TP53BP1: variants seen among roughly 807,000 people sequenced by gnomAD.
The protein encoded by TP53BP1 is tumor protein p53 binding protein 1.
In TP53BP1, 61 loss-of-function variants were observed where a neutral mutation model predicts 200.8. The observed-to-expected ratio is 0.30, with a 90% CI of 0.25 to 0.38. The LOEUF (loss-of-function observed/expected upper bound fraction) is 0.38, where lower values mean the gene tolerates loss of function less well. Ranked by LOEUF, TP53BP1 falls within the 10% of genes least tolerant of loss-of-function variation. The probability of loss-of-function intolerance (pLI) is 1.00; values close to 1 mark genes in which losing one functional copy is unlikely to be tolerated. For synonymous variants in TP53BP1, 822 were observed against 844.3 expected, an observed-to-expected ratio of 0.97 and a Z score of 0.46; for missense variants, 2,144 against 2,371.9, an observed-to-expected ratio of 0.90 and a Z score of 2.00.
At position 43,481,027 on chromosome 15, in the gene TP53BP1, A is replaced by G. The variant is rs148810546; in HGVS notation, c.372-5T>C. The G allele has an allele frequency of 1.7e-4, 273 of 1,614,022 alleles. 2 individuals are homozygous for G. The African/African-American group carries it at 3.2e-3, about 19-fold the overall frequency. Reference sequence around the variant, plus strand: ...TCCACTGACATTCCCAGAACACTACACAGCAGAAGGATATAATCATGTGTT... The same window carrying G: ...TCCACTGACATTCCCAGAACACTACGCAGCAGAAGGATATAATCATGTGTT... On this transcript the variant is annotated splice_polypyrimidine_tract_variant and splice_region_variant and intron_variant, in intron 4 of 27. Coordinates refer to ENST00000382044, the MANE Select transcript of TP53BP1 (RefSeq NM_001141980.3).
chr15:43,475,109 ATT>A (rs1220207818), intron 9 of TP53BP1, among the ~76,000 whole-genome samples: 1 of 152,146 alleles, frequency 6.6e-6, no homozygotes, highest in Non-Finnish European at 1.5e-5. Flanking sequence ...AAATTATTCC[ATT>A]TTTTTGCCTA....
intron 17 of TP53BP1, among the ~76,000 whole-genome samples, chr15:43,428,412 A>G (rs1185603651): frequency 6.6e-6 from 1 of 152,206 alleles, no homozygotes. Flanking sequence ...CTAAATCAAA[A>G]TCATTACATC....
chr15:43,485,831 G>C (rs1351447861), intron 4 of TP53BP1, among the ~76,000 whole-genome samples: 1 of 151,752 alleles, frequency 6.6e-6, no homozygotes, highest in African/African-American at 2.4e-5. Flanking sequence ...GGGCAACAAA[G>C]CAAGACTCCG....
chr15:43,412,121 A>G (rs2045133015), intron 24 of TP53BP1, among the ~76,000 whole-genome samples: 1 of 151,302 alleles, frequency 6.6e-6, no homozygotes, highest in Admixed American at 6.6e-5. Flanking sequence ...ACATCTACTC[A>G]CTCCCACAGC....
rs267604219 is a variant in TP53BP1, at chr15:43,428,140, G to C, written c.3704C>G (p.Pro1235Arg). The change falls in exon 18 of 28, where the codon CCT becomes CGT. Residue 1235 changes from proline (P) to arginine (R), a missense_variant. By Grantham distance (103) the Pro-to-Arg change is moderately radical. This residue lies in a region of TP53BP1 where 1,700 missense variants were observed against 1,710.3 expected (regional missense o/e 0.99). Coordinates refer to ENST00000382044, the MANE Select transcript of TP53BP1 (RefSeq NM_001141980.3). ...QGEEEFDMPQ[P>R]PHGHVLHRHM... ...ACGATGTAAGACATGGCCATGTGGA[G>C]GCTGAGGCATATCAAACTCTTCTTC... 3.1e-6 allele frequency: 5 copies of C among 1,613,854 alleles called. No individual in the cohort carries two copies. The highest frequency in any genetic ancestry group is 3.3e-5 in the Admixed American group (2 of 59,988).
In TP53BP1 at chr15:43,421,959, A is replaced by G. The variant is rs575885085; in HGVS notation, c.3996T>C (p.Ser1332=). The change falls in exon 19 of 28, where the codon AGT becomes AGC. Residue 1332 remains serine (S), a synonymous_variant. Coordinates refer to ENST00000382044, the MANE Select transcript of TP53BP1 (RefSeq NM_001141980.3). ...GTCCGGCTCCTTTCCCTGAGCTTCCACTGCTGTGCATAGCTGAGAGACTTG... is the reference window on the plus strand; with the variant it reads ...GTCCGGCTCCTTTCCCTGAGCTTCCGCTGCTGTGCATAGCTGAGAGACTTG... The part of the protein sequence containing the change: ...SGTSLSAMHS[S]GSSGKGAGPL... The G allele has an allele frequency of 6.2e-7, 1 of 1,614,134 alleles. No homozygotes were observed. Among genetic ancestry groups the G allele is most frequent in the African/African-American group, 1.3e-5 (1 of 75,024 alleles).
chr15:43,474,063 G>A (rs969882165), intron 10 of TP53BP1, among the ~76,000 whole-genome samples: 6 of 152,236 alleles, frequency 3.9e-5, no homozygotes, highest in Non-Finnish European at 8.8e-5. Context: ...CAAGCGCAGC[G>A]CCGGTGGGCT....
At chr15:43,477,834 G>C (rs955514888) in intron 7 of TP53BP1, 75 bp from the exon 8 acceptor site, 6 of 1,236,450 alleles carry the variant, frequency 4.9e-6, no homozygotes, top group African/African-American at 1.5e-5. Context: ...TTCCTGTTTT[G>C]TGTGTTTTTC....
intron 27 of TP53BP1, 72 bp downstream of exon 27, chr15:43,407,871 C>A (rs536694072): frequency 7.5e-5 from 110 of 1,457,898 alleles, no homozygotes; most frequent in Admixed American, 2.5e-4. Flanking sequence ...GAGCCTTGGA[C>A]CACAAGGCCT....
chr15:43,456,542 A>C lies in TP53BP1; in HGVS notation c.2066T>G (p.Met689Arg). Reference protein sequence around the residue: ...SQGEELKEENMESVPLHLSLT... With the variant: ...SQGEELKEENRESVPLHLSLT... ...AGAAAGGTGCAACGGAACACTCTCC[A>C]TATTTTCTTCTTTGAGTTCCTCTCC... The change falls in exon 12 of 28, where the codon ATG becomes AGG. Residue 689 changes from methionine (M) to arginine (R), a missense_variant. This residue lies in a region of TP53BP1 where 1,700 missense variants were observed against 1,710.3 expected (regional missense o/e 0.99). Coordinates refer to ENST00000382044, the MANE Select transcript of TP53BP1 (RefSeq NM_001141980.3). 6.2e-7 allele frequency: 1 copy of C among 1,612,050 alleles called. No homozygotes were observed. The highest frequency in any genetic ancestry group is 1.1e-5 in the South Asian group (1 of 90,858).
chr15:43,481,386 A>C (rs1370179684), intron 4 of TP53BP1, among the ~76,000 whole-genome samples: 1 of 152,128 alleles, frequency 6.6e-6, no homozygotes, highest in African/African-American at 2.4e-5. Context: ...TTTTAGTAAA[A>C]AATCTTAAAA....
intron 1 of TP53BP1, among the ~76,000 whole-genome samples, chr15:43,499,606 C>T (rs1204764859): frequency 2.0e-5 from 3 of 152,116 alleles, no homozygotes; most frequent in Non-Finnish European, 2.9e-5. Context: ...AGTGTGCTAA[C>T]TAACAAGTGG....
intron 4 of TP53BP1, among the ~76,000 whole-genome samples, chr15:43,484,896 G>T (rs372090401): frequency 6.6e-6 from 1 of 151,818 alleles, no homozygotes; most frequent in Non-Finnish European, 1.5e-5. Context: ...GATCACAGGC[G>T]CACACTACCA....
chr15:43,463,418 G>C (rs1234322156), intron 11 of TP53BP1, among the ~76,000 whole-genome samples: 1 of 152,100 alleles, frequency 6.6e-6, no homozygotes, highest in Non-Finnish European at 1.5e-5. Context: ...TTGGACTCCA[G>C]TAACCAAGGT....
chr15:43,404,559 G>C lies in TP53BP1; in HGVS notation c.*2824C>G, dbSNP rs774178560. On this transcript the variant is annotated 3_prime_UTR_variant, in exon 28 of 28. Coordinates refer to ENST00000382044, the MANE Select transcript of TP53BP1 (RefSeq NM_001141980.3). ...CTGGTGGAACTCTGGGCAGGTAGGA[G>C]CAACCCTTGGGTAACTCAGTAGACT... The C allele has an allele frequency of 1.5e-5, 24 of 1,613,782 alleles. No homozygotes were observed. The highest frequency in any genetic ancestry group is 1.9e-5 in the Non-Finnish European group (23 of 1,179,874).
At chr15:43,442,562 A>G in intron 14 of TP53BP1, among the ~76,000 whole-genome samples, 1 of 151,850 alleles carries the variant, frequency 6.6e-6, no homozygotes. Flanking sequence ...CAGCGGCGTA[A>G]TCTCGACTTG....
rs748514034 is a variant in TP53BP1 at position 43,480,908 on chromosome 15, G to C, written c.486C>G (p.Ser162=). 4.3e-6 allele frequency: 7 copies of C among 1,614,052 alleles called. No individual in the cohort carries two copies. Among genetic ancestry groups the C allele is most frequent in the Admixed American group, 1.7e-5 (1 of 60,004 alleles). The change falls in exon 5 of 28, where the codon TCC becomes TCG. Residue 162 remains serine (S), a synonymous_variant. Transcript: ENST00000382044. ...GCACAAGGCTACCTTCAGCACCAAG[G>C]GAATGTGTAGTATTGCCTGAAGTAT... The part of the protein sequence containing the change: ...EEDTSGNTTH[S]LGAEDTASSQ...
chr15:43,468,078 C>G (rs1379310353), intron 11 of TP53BP1, among the ~76,000 whole-genome samples: 8 of 152,050 alleles, frequency 5.3e-5, no homozygotes, highest in African/African-American at 1.9e-4. Context: ...AGCCACCACA[C>G]CTGGTCAGAT....
chr15:43,491,977 GGACAGATAGC>G lies in TP53BP1; in HGVS notation c.286+15_286+24del. The G allele has an allele frequency of 6.4e-7, 1 of 1,568,022 alleles. No individual in the cohort carries two copies. Among genetic ancestry groups the G allele is most frequent in the Non-Finnish European group, 8.8e-7 (1 of 1,138,340 alleles). On this transcript the variant is annotated intron_variant, in intron 3 of 27. Transcript: ENST00000382044. Reference sequence around the variant, plus strand: ...CAAGAGCACCCAAAAAATGCAAAGGGGACAGATAGCTTTAAACACCTCACCTGCAACCTTG... The same window carrying G: ...CAAGAGCACCCAAAAAATGCAAAGGGTTTAAACACCTCACCTGCAACCTTG...
Sources: allele counts gnomAD v4.1 joint callset (sites outside exome capture counted in the v4.1 genomes callset), GRCh38; gene constraint gnomAD v4.1.1; regional missense constraint gnomAD v4.1.1; transcripts MANE v1.5; gene names NCBI Gene and HGNC (gene_info 2026-07-23, HGNC 2026-07-21).